Variants in XCR1 observed in about 807,000 individuals in gnomAD.
The protein encoded by XCR1 is chemokine XC receptor 1.
For synonymous variants in XCR1, 187 were observed against 188.5 expected, an observed-to-expected ratio of 0.99 and a Z score of 0.06; for missense variants, 356 against 424.2, an observed-to-expected ratio of 0.84 and a Z score of 1.41.
chr3:46,057,933 T>TATCTACCC (rs762407057), intron 4 of XCR1, among the ~76,000 whole-genome samples: 1 of 137,530 alleles, frequency 7.3e-6, no homozygotes, highest in Admixed American at 7.3e-5. Flanking sequence ...TCTATCTATC[T>TATCTACCC]ACGCATCCAT....
intron 1 of XCR1, among the ~76,000 whole-genome samples, chr3:46,082,615 C>T (rs570053430): frequency 4.0e-5 from 6 of 150,924 alleles, no homozygotes; most frequent in Admixed American, 2.0e-4. Context: ...CTCAGCTTCC[C>T]GAGTAGCTGG....
chr3:46,074,214 CTT>C (rs35124592), intron 3 of XCR1, among the ~76,000 whole-genome samples: 71 of 86,654 alleles, frequency 8.2e-4, no homozygotes, highest in Middle Eastern at 0.015. Flanking sequence ...TGAAGGCCAT[CTT>C]TTTTTTTTTT....
chr3:46,059,231 T>C (rs558591142), intron 4 of XCR1, among the ~76,000 whole-genome samples: 1 of 152,306 alleles, frequency 6.6e-6, no homozygotes, highest in African/African-American at 2.4e-5. Flanking sequence ...GAATTCCCTG[T>C]GATTAGCTGA....
At position 46,021,968 on chromosome 3, in the gene XCR1, G is replaced by A. The variant is rs766170275; in HGVS notation, c.-21C>T. On this transcript the variant is annotated 5_prime_UTR_variant, in exon 2 of 2. The change creates a new upstream start codon in the 5' untranslated region. Transcript: ENST00000309285. This position sits in a 1 kb window ranked among gnomAD's most constrained non-coding sequence, Gnocchi z 4.7. ...TCCATCTGGACCAGATGGCAGGGAC[G>A]TTTAGAGCATCTGAAATGATAGAGA... 5 of 1,588,540 alleles carry A rather than the reference G, an allele frequency of 3.1e-6. No individual in the cohort carries two copies. The highest frequency in any genetic ancestry group is 1.7e-4 in the Middle Eastern group (1 of 5,930).
chr3:46,061,119 G>C (rs369949524), intron 4 of XCR1, among the ~76,000 whole-genome samples: 95 of 152,214 alleles, frequency 6.2e-4, no homozygotes, highest in African/African-American at 2.2e-3. Context: ...CCTTTTTGGT[G>C]GGGGGAATGG....
At chr3:46,037,364 A>G (rs950630186) in intron 5 of XCR1, among the ~76,000 whole-genome samples, 2 of 152,152 alleles carry the variant, frequency 1.3e-5, no homozygotes, top group African/African-American at 2.4e-5. Context: ...GAATGTGACA[A>G]CGTATTTTTG....
At chr3:46,070,635 C>G (rs577853419) in intron 3 of XCR1, among the ~76,000 whole-genome samples, 9 of 151,448 alleles carry the variant, frequency 5.9e-5, no homozygotes, top group African/African-American at 1.5e-4. Flanking sequence ...TTTTTCCACC[C>G]CTTTACTTTC....
intron 1 of XCR1, among the ~76,000 whole-genome samples, chr3:46,081,686 CT>C (rs890537434): frequency 7.2e-6 from 1 of 138,558 alleles, no homozygotes; most frequent in African/African-American, 3.1e-5. Flanking sequence ...TATTCCTTTT[CT>C]TTTTTTCTTT....
chr3:46,078,467 C>T (rs970404380), intron 1 of XCR1, among the ~76,000 whole-genome samples: 3 of 152,150 alleles, frequency 2.0e-5, no homozygotes, highest in Non-Finnish European at 4.4e-5. Flanking sequence ...TTCCGATCCT[C>T]CCTTACTAGA....
At chr3:46,023,259 G>A in intron 1 of XCR1, 2 of 660,648 alleles carry the variant, frequency 3.0e-6, no homozygotes, top group Non-Finnish European at 5.3e-6. Context: ...CATGTTCCCT[G>A]GCCCCACCGC....
chr3:46,046,356 T>C (rs1393774182), intron 5 of XCR1, among the ~76,000 whole-genome samples: 2 of 152,166 alleles, frequency 1.3e-5, no homozygotes, highest in Non-Finnish European at 2.9e-5. Flanking sequence ...GGTCGGCTGC[T>C]CGGTCCAGAG....
rs901358532 is a variant in XCR1, at chr3:46,020,311, C to G, written c.*635G>C. On this transcript the variant is annotated 3_prime_UTR_variant, in exon 2 of 2. Transcript: ENST00000309285. ...ATTCCTTCAATCAAATATTTATGAG[C>G]TAAATTTTTAAGGGCCAGTTCGTGG... 6.6e-6 allele frequency: 1 copy of G among 152,374 alleles called. No homozygotes were observed. The highest frequency in any genetic ancestry group is 1.5e-5 in the Non-Finnish European group (1 of 68,190). The allele number at this position is 152,374 out of a possible 1,614,324, so 9.4% of individuals were successfully genotyped here. A position where few individuals can be genotyped will look rare whatever the true frequency, so the allele number is the denominator to read the frequency against.
chr3:46,025,792 A>C (rs1292020654), intron 1 of XCR1, among the ~76,000 whole-genome samples: 1 of 152,214 alleles, frequency 6.6e-6, no homozygotes, highest in East Asian at 1.9e-4. Context: ...AAATAGAAAT[A>C]AAGGATGGAA....
intron 5 of XCR1, among the ~76,000 whole-genome samples, chr3:46,037,121 T>G (rs184981871): frequency 8.1e-4 from 124 of 152,216 alleles, no homozygotes; most frequent in African/African-American, 2.9e-3. Flanking sequence ...CAGTTGAGGG[T>G]TTCTTGCCTC....
At chr3:46,051,049 C>A (rs1315984001) in intron 5 of XCR1, among the ~76,000 whole-genome samples, 2 of 152,140 alleles carry the variant, frequency 1.3e-5, no homozygotes, top group African/African-American at 2.4e-5. Context: ...TTGATCCACC[C>A]ACACAGGTTT....
rs528141427 is a variant in XCR1, at chr3:46,057,625, T to C, written c.-182-3555A>G. Among the ~76,000 whole-genome samples the C allele has an allele frequency of 5.9e-5, 9 of 152,298 alleles. No individual in the cohort carries two copies. In the South Asian group the frequency reaches 1.4e-3, roughly 25 times the overall value. On this transcript the variant is annotated intron_variant, in intron 4 of 5. Coordinates refer to the XCR1 transcript ENST00000683768. ...ATTAACATCTACAATCGGTTTACTTTATGGAAAGGAAATTATTCCTAATAC... is the reference window on the plus strand; with the variant it reads ...ATTAACATCTACAATCGGTTTACTTCATGGAAAGGAAATTATTCCTAATAC...
chr3:46,021,633 G>GA lies in XCR1; in HGVS notation c.314dup (p.Asn106GlnfsTer71). ...AGAGGCTGATGGAGAAGATCATATT[G>GA]AGGAGTTTGCAGAGGAAGTCTCCCA... is the stretch of plus-strand genomic sequence containing the variant. On this transcript the variant is annotated frameshift_variant, in exon 2 of 2. Transcript: ENST00000309285. LOFTEE classifies it low-confidence loss of function (END_TRUNC). This position sits in a 1 kb window ranked among gnomAD's most constrained non-coding sequence, Gnocchi z 4.7. 1 of 1,613,830 alleles carries GA rather than the reference G, an allele frequency of 6.2e-7. No individual in the cohort carries two copies. Among genetic ancestry groups the GA allele is most frequent in the Non-Finnish European group, 8.5e-7 (1 of 1,179,924 alleles).
intron 4 of XCR1, among the ~76,000 whole-genome samples, chr3:46,055,614 A>G (rs749392415): frequency 4.6e-5 from 7 of 152,170 alleles, no homozygotes; most frequent in Non-Finnish European, 5.9e-5. Context: ...CAGTGGCCCT[A>G]TGATTAAACC....
At chr3:46,061,073 T>A (rs558055825) in intron 4 of XCR1, among the ~76,000 whole-genome samples, 1 of 152,348 alleles carries the variant, frequency 6.6e-6, no homozygotes, top group South Asian at 2.1e-4. Context: ...TTATTTTTTA[T>A]TTTTTGCAGA....
Sources: allele counts gnomAD v4.1 joint callset (sites outside exome capture counted in the v4.1 genomes callset), GRCh38; gene constraint gnomAD v4.1.1; non-coding constraint Gnocchi (gnomAD v3.1); transcripts MANE v1.5; gene names NCBI Gene and HGNC (gene_info 2026-07-23, HGNC 2026-07-21).